The following NBPF3 variants were observed in gnomAD, a reference collection of about 807,000 sequenced individuals.
NBPF3 encodes the protein NBPF member 3.
Under a neutral mutation model 78.1 loss-of-function variants are expected in NBPF3, and 57 were observed. That is an observed-to-expected ratio of 0.73 (90% CI 0.59 to 0.91). NBPF3 has a LOEUF of 0.91. Among genes scored for constraint, NBPF3 ranks in the 40% least tolerant of loss-of-function variants. The probability of loss-of-function intolerance (pLI) is 0.00; values close to 1 mark genes in which losing one functional copy is unlikely to be tolerated. For missense variants in NBPF3, 510 were observed against 715.3 expected (o/e 0.71, Z 3.27); for synonymous variants, 182 against 271.7 (o/e 0.67, Z 3.25).
At chr1:21,446,856 A>G (rs1641017781) in intron 2 of NBPF3, among the ~76,000 whole-genome samples, 1 of 151,974 alleles carries the variant, frequency 6.6e-6, no homozygotes, top group African/African-American at 2.4e-5. Flanking sequence ...GCCCACCCAG[A>G]TGGTTTTTAC....
rs552511346 is a variant in NBPF3 at position 21,474,241 on chromosome 1, TCACCCA to T, written c.940+657_941-653del. 6.7e-4 allele frequency among the ~76,000 whole-genome samples: 101 copies of T among 151,030 alleles called. 2 individuals are homozygous for T. In the South Asian group the frequency reaches 0.021, roughly 31 times the overall value. On this transcript the variant is annotated intron_variant, in intron 7 of 14. Transcript: ENST00000318249. ...TTTTTTGTGATGGAGTCTGGCTCTG[TCACCCA>T]GGCTGGAGTGCAATGGCTCCATTTT...
chr1:21,437,455 C>A, upstream of NBPF3: 2 of 1,433,766 alleles, frequency 1.4e-6, no homozygotes, highest in East Asian at 2.6e-5. Context: ...GGGACAAGAC[C>A]GAGGGCACCA....
At chr1:21,457,042 CTT>C (rs938924147) in intron 2 of NBPF3, among the ~76,000 whole-genome samples, 2 of 152,072 alleles carry the variant, frequency 1.3e-5, no homozygotes, top group Non-Finnish European at 2.9e-5. Flanking sequence ...TAGAAGTAGT[CTT>C]TTGTATTTCT....
At chr1:21,454,826 G>A (rs1358417342) in intron 2 of NBPF3, among the ~76,000 whole-genome samples, 21 of 152,198 alleles carry the variant, frequency 1.4e-4, no homozygotes, top group Admixed American at 7.2e-4. Flanking sequence ...CATTAGCGGC[G>A]TAAAATAAGA....
In NBPF3 at chr1:21,445,184, G is replaced by T. The variant is rs778614296; in HGVS notation, c.98G>T (p.Gly33Val). Residue 33 changes from glycine to valine, a missense_variant, in exon 2 of 15, where the codon GGT (glycine) becomes GTT (valine). By Grantham distance (109) the Gly-to-Val change is moderately radical. Coordinates refer to ENST00000318249, the MANE Select transcript of NBPF3 (RefSeq NM_032264.6). The stretch of plus-strand genomic sequence containing the variant: ...GGTGCACCAAGAGCAGCCTCACATG[G>T]TGTGGGCCGACATCAAGAGCTGCGA... ...PFGAPRAASH[G>V]VGRHQELRDP... 8.1e-6 allele frequency: 13 copies of T among 1,611,768 alleles called. No homozygotes were observed. The highest frequency in any genetic ancestry group is 1.1e-5 in the Non-Finnish European group (13 of 1,179,826).
intron 3 of NBPF3, among the ~76,000 whole-genome samples, chr1:21,469,529 A>T (rs527914654): frequency 6.6e-6 from 1 of 152,290 alleles, no homozygotes; most frequent in Non-Finnish European, 1.5e-5. Context: ...GTTTGAGACC[A>T]GCCTGGGCAA....
chr1:21,479,818 CTCTGTGTG>C (rs1558508116), intron 10 of NBPF3, among the ~76,000 whole-genome samples: 3 of 43,898 alleles, frequency 6.8e-5, no homozygotes, highest in African/African-American at 1.4e-4. Flanking sequence ...CTCTCTCTCT[CTCTGTGTG>C]TGTGTGTGTG....
chr1:21,448,330 TA>T (rs201973968), intron 2 of NBPF3, among the ~76,000 whole-genome samples: 98 of 151,482 alleles, frequency 6.5e-4, no homozygotes, highest in African/African-American at 2.1e-3. Context: ...GATTTATTAT[TA>T]TTTTTTTTTT....
At chr1:21,439,286 C>A (rs960756285), upstream of NBPF3, among the ~76,000 whole-genome samples, 1 of 152,050 alleles carries the variant, frequency 6.6e-6, no homozygotes, top group Non-Finnish European at 1.5e-5. Flanking sequence ...GTCAGGAGTT[C>A]TAGACCAGCC....
At chr1:21,449,458 C>CTTTATTTA (rs57877174) in intron 2 of NBPF3, among the ~76,000 whole-genome samples, 42,209 of 150,306 alleles carry the variant, frequency 0.28, 6,038 homozygotes, top group African/African-American at 0.29. Flanking sequence ...AACGAACCAT[C>CTTTATTTA]TTTATTTATT....
At chr1:21,450,626 C>G (rs1253983049) in intron 2 of NBPF3, among the ~76,000 whole-genome samples, 1 of 152,196 alleles carries the variant, frequency 6.6e-6, no homozygotes, top group Non-Finnish European at 1.5e-5. Context: ...AATGCATTCA[C>G]CGTCTCCCCT....
In NBPF3 at chr1:21,472,881, G is replaced by A. The variant is rs1159508166; in HGVS notation, c.700G>A (p.Glu234Lys). The A allele has an allele frequency of 6.2e-7, 1 of 1,613,170 alleles. No homozygotes were observed. Among genetic ancestry groups the A allele is most frequent in the Non-Finnish European group, 8.5e-7 (1 of 1,179,138 alleles). ...TGAGGATGAAGATGTTAAAGTTGAG[G>A]AGGCTGAGAAAGTACAGGAATTATA... ...DDEDEDVKVE[E>K]AEKVQELYAP... Residue 234 changes from glutamate to lysine, a missense_variant, in exon 6 of 15, where the codon GAG becomes AAG. Glu to Lys is a moderately conservative substitution (Grantham distance 56). Around this residue, in one of 5 missense-constraint regions of NBPF3, gnomAD observed 440 missense variants for 478.2 expected, o/e 0.92. Transcript: ENST00000318249.
At chr1:21,462,408 G>GT (rs1390664779) in intron 2 of NBPF3, among the ~76,000 whole-genome samples, 1 of 151,968 alleles carries the variant, frequency 6.6e-6, no homozygotes. Context: ...GTGCCTTTAG[G>GT]TTTTTTGCAG....
chr1:21,449,485 T>TA (rs1641177881), intron 2 of NBPF3, among the ~76,000 whole-genome samples: 1 of 151,532 alleles, frequency 6.6e-6, no homozygotes. Context: ...TTTATTTATT[T>TA]TTTGAGATGG....
At chr1:21,453,992 A>G (rs1334263476) in intron 2 of NBPF3, 6 of 152,218 alleles carry the variant, frequency 3.9e-5, no homozygotes. Context: ...GCTCTGAAGA[A>G]TGCTAAACTA....
chr1:21,473,402 A>G lies in NBPF3; in HGVS notation c.757A>G (p.Lys253Glu). 6.2e-7 allele frequency: 1 copy of G among 1,614,120 alleles called. No homozygotes were observed. The highest frequency in any genetic ancestry group is 8.5e-7 in the Non-Finnish European group (1 of 1,179,982). Residue 253 changes from lysine to glutamate, a missense_variant, in exon 7 of 15, where the codon AAG (lysine) becomes GAG (glutamate). Physicochemically the swap from Lys to Glu is moderately conservative, Grantham distance 56. This residue lies in a region of NBPF3 where 440 missense variants were observed against 478.2 expected (regional missense o/e 0.92). Transcript: ENST00000318249. The part of the protein sequence containing the change: ...APREVQKAEE[K>E]EVPEDSLEEC... Reference sequence around the variant, plus strand: ...CAGGGAGGTGCAGAAGGCTGAAGAAAAGGAAGTCCCTGAGGACTCACTGGA... The same window carrying G: ...CAGGGAGGTGCAGAAGGCTGAAGAAGAGGAAGTCCCTGAGGACTCACTGGA...
At chr1:21,473,245 C>T in intron 6 of NBPF3, 135 bp from the exon 7 acceptor site, 1 of 1,121,678 alleles carries the variant, frequency 8.9e-7, no homozygotes, top group Admixed American at 1.8e-5. Context: ...TGCCTGTTCC[C>T]TCTTAAAGGG....
chr1:21,472,812 A>G, intron 5 of NBPF3, 31 bp from the exon 6 acceptor site: 1 of 1,523,952 alleles, frequency 6.6e-7, no homozygotes, highest in Non-Finnish European at 9.1e-7. Flanking sequence ...TGAATTGGGA[A>G]ATATCTGAAT....
At chr1:21,468,208 G>A (rs1642383926) in intron 2 of NBPF3, 1 of 197,584 alleles carries the variant, frequency 5.1e-6, no homozygotes, top group African/African-American at 2.4e-5. Flanking sequence ...GTACAAACAA[G>A]CGATAAACAA....
Sources: gnomAD v4.1 joint callset for allele counts (sites outside exome capture counted in the v4.1 genomes callset) on GRCh38, gnomAD v4.1.1 for gene constraint, gnomAD v4.1.1 regional missense constraint, MANE v1.5 for transcripts, NCBI Gene and HGNC (gene_info 2026-07-23, HGNC 2026-07-21) for gene names.